CSMD1: variants seen among roughly 807,000 people sequenced by gnomAD.
The protein encoded by CSMD1 is CUB and Sushi multiple domains 1.
CSMD1 carries 213 observed loss-of-function variants against 417.5 expected under a neutral mutation model. That is an observed-to-expected ratio of 0.51 (90% CI 0.46 to 0.57). The LOEUF (loss-of-function observed/expected upper bound fraction) is 0.57, where lower values mean the gene tolerates loss of function less well. Among genes scored for constraint, CSMD1 ranks in the 20% least tolerant of loss-of-function variants. CSMD1 has a pLI of 0.00. For synonymous variants in CSMD1, 2,862 were observed against 1,736.8 expected (o/e 1.65, Z -16.11); for missense variants, 6,923 against 4,529.7 (o/e 1.53, Z -15.17).
chr8:3,320,645 G>A (rs373500352), intron 23 of CSMD1, among the ~76,000 whole-genome samples: 2 of 152,134 alleles, frequency 1.3e-5, no homozygotes, highest in Non-Finnish European at 2.9e-5. Flanking sequence ...CTAGACCACC[G>A]CTGCATTGGG....
At chr8:4,382,759 T>A (rs949617096) in intron 3 of CSMD1, among the ~76,000 whole-genome samples, 6 of 152,216 alleles carry the variant, frequency 3.9e-5, no homozygotes, top group African/African-American at 7.2e-5. Context: ...ACATTCTGTG[T>A]CTAAAAGAAA....
At chr8:4,294,851 T>G (rs1238133741) in intron 3 of CSMD1, among the ~76,000 whole-genome samples, 1 of 151,824 alleles carries the variant, frequency 6.6e-6, no homozygotes, top group Non-Finnish European at 1.5e-5. Context: ...CTAAAATAAT[T>G]CCAGAAAACT....
At chr8:4,633,577 G>C (rs1802663564) in intron 2 of CSMD1, among the ~76,000 whole-genome samples, 2 of 151,416 alleles carry the variant, frequency 1.3e-5, no homozygotes, top group African/African-American at 4.9e-5. Context: ...TTTTGTTTGA[G>C]ATGAAGTCTA....
chr8:4,031,128 G>A (rs115484047), intron 4 of CSMD1, among the ~76,000 whole-genome samples: 2 of 152,130 alleles, frequency 1.3e-5, no homozygotes, highest in Non-Finnish European at 2.9e-5. Flanking sequence ...CCTCCAAACT[G>A]TTCTAAACTC....
At chr8:3,523,709 G>A (rs1046215141) in intron 10 of CSMD1, among the ~76,000 whole-genome samples, 11 of 142,784 alleles carry the variant, frequency 7.7e-5, no homozygotes, top group Admixed American at 7.0e-4. Flanking sequence ...ACATGTGCAT[G>A]CACACACATA....
intron 1 of CSMD1, among the ~76,000 whole-genome samples, chr8:4,735,021 T>G (rs1455221077): frequency 6.6e-6 from 1 of 152,206 alleles, no homozygotes; most frequent in Non-Finnish European, 1.5e-5. Context: ...TTGTTTGAAA[T>G]CACATCAAAA....
intron 6 of CSMD1, among the ~76,000 whole-genome samples, chr8:3,729,332 G>A (rs1802684070): frequency 6.6e-6 from 1 of 152,196 alleles, no homozygotes; most frequent in Non-Finnish European, 1.5e-5. Context: ...GGGCTTCGGA[G>A]TGAGACTTTG....
At chr8:4,050,444 A>T (rs746771193) in intron 3 of CSMD1, among the ~76,000 whole-genome samples, 1 of 152,104 alleles carries the variant, frequency 6.6e-6, no homozygotes, top group Non-Finnish European at 1.5e-5. Context: ...ATACATACTT[A>T]TGGGGTACAT....
chr8:3,124,236 T>A (rs182089506), intron 41 of CSMD1, among the ~76,000 whole-genome samples: 1 of 152,316 alleles, frequency 6.6e-6, no homozygotes, highest in East Asian at 1.9e-4. Flanking sequence ...TTGACTCTAC[T>A]CTGTTATAAA....
chr8:4,082,616 ATT>A (rs1800198938), intron 3 of CSMD1, among the ~76,000 whole-genome samples: 3 of 150,852 alleles, frequency 2.0e-5, no homozygotes, highest in Admixed American at 6.6e-5. Context: ...GTTTTATTTT[ATT>A]TTATTATTAT....
intron 1 of CSMD1, among the ~76,000 whole-genome samples, chr8:4,746,881 T>A (rs1810989000): frequency 6.6e-6 from 1 of 152,332 alleles, no homozygotes; most frequent in Admixed American, 6.5e-5. Context: ...TTTAAAAGCA[T>A]AATTGACTTA....
chr8:4,368,632 C>T (rs559791016), intron 3 of CSMD1, among the ~76,000 whole-genome samples: 17 of 151,932 alleles, frequency 1.1e-4, no homozygotes, highest in Non-Finnish European at 2.2e-4. Flanking sequence ...TTTTTATTAC[C>T]GATTCAATTT....
intron 3 of CSMD1, among the ~76,000 whole-genome samples, chr8:4,210,353 C>G (rs924146309): frequency 3.3e-5 from 5 of 152,140 alleles, no homozygotes; most frequent in Non-Finnish European, 5.9e-5. Flanking sequence ...TTGTATGATA[C>G]CAACTTTGAG....
intron 1 of CSMD1, among the ~76,000 whole-genome samples, chr8:4,983,933 C>T (rs78523646): frequency 0.012 from 1,831 of 152,124 alleles, 17 homozygotes; most frequent in Non-Finnish European, 0.018. Flanking sequence ...ATAGAAAACT[C>T]CTCAATGGCG....
intron 26 of CSMD1, among the ~76,000 whole-genome samples, chr8:3,260,608 G>C (rs943584149): frequency 7.9e-5 from 12 of 151,442 alleles, no homozygotes; most frequent in Non-Finnish European, 1.5e-4. Context: ...CAGAGGCTGA[G>C]GATGGCTCCA....
At chr8:3,274,158 T>A (rs1183100491) in intron 26 of CSMD1, among the ~76,000 whole-genome samples, 3 of 151,950 alleles carry the variant, frequency 2.0e-5, no homozygotes, top group Non-Finnish European at 4.4e-5. Flanking sequence ...AAAGAACATC[T>A]TTATTTCTGC....
At chr8:3,318,798 A>G (rs1805955434) in intron 23 of CSMD1, among the ~76,000 whole-genome samples, 1 of 152,186 alleles carries the variant, frequency 6.6e-6, no homozygotes, top group Non-Finnish European at 1.5e-5. Context: ...CAGCCCACAC[A>G]CACAGACAGC....
At chr8:4,387,056 A>G (rs564706640) in intron 3 of CSMD1, among the ~76,000 whole-genome samples, 1 of 152,310 alleles carries the variant, frequency 6.6e-6, no homozygotes, top group Admixed American at 6.5e-5. Context: ...AGATTAAAAA[A>G]CATAAAACGG....
intron 23 of CSMD1, among the ~76,000 whole-genome samples, chr8:3,313,657 T>G (rs556872907): frequency 6.6e-6 from 1 of 152,270 alleles, no homozygotes; most frequent in African/African-American, 2.4e-5. Context: ...TAGGAACACT[T>G]TCACACTGTT....
Sources: gnomAD v4.1 joint callset for allele counts (sites outside exome capture counted in the v4.1 genomes callset) on GRCh38, gnomAD v4.1.1 for gene constraint, MANE v1.5 for transcripts, NCBI Gene and HGNC (gene_info 2026-07-23, HGNC 2026-07-21) for gene names.